The following ZSWIM5 variants were observed in gnomAD, a reference collection of about 807,000 sequenced individuals.
ZSWIM5 encodes the protein zinc finger SWIM-type containing 5.
ZSWIM5 carries 55 observed loss-of-function variants against 119.6 expected under a neutral mutation model. That is an observed-to-expected ratio of 0.46 (90% CI 0.37 to 0.58). The LOEUF is 0.58. Among genes scored for constraint, ZSWIM5 ranks in the 20% least tolerant of loss-of-function variants. The pLI is 0.00. For synonymous variants in ZSWIM5, 537 were observed against 606.9 expected (o/e 0.88, Z 1.69); for missense variants, 1,193 against 1,512.8 (o/e 0.79, Z 3.51).
At chr1:45,043,659 T>C (rs1404104729) in intron 5 of ZSWIM5, among the ~76,000 whole-genome samples, 3 of 152,144 alleles carry the variant, frequency 2.0e-5, no homozygotes, top group Admixed American at 2.0e-4. Context: ...CAGAGATCTA[T>C]GGCTTACTTC....
chr1:45,094,035 T>C (rs1299574070), intron 1 of ZSWIM5, among the ~76,000 whole-genome samples: 2 of 134,216 alleles, frequency 1.5e-5, no homozygotes, highest in Non-Finnish European at 3.1e-5. Flanking sequence ...ATTTATTTAT[T>C]TATTTATTTA....
Position 45,186,519 on chromosome 1 carries a change from T to C in ZSWIM5, c.595+19237A>G, listed in dbSNP as rs527700562. On this transcript the variant is annotated intron_variant, in intron 1 of 13. Coordinates refer to ENST00000359600, the MANE Select transcript of ZSWIM5 (RefSeq NM_020883.2). ...ACAGAATGCAGATAGCTTCTAGAAA[T>C]TGGAAAAAGACATGGAAAGAGATTC... Among the ~76,000 whole-genome samples the C allele has an allele frequency of 1.6e-3, 238 of 151,382 alleles. 1 individual carries two copies. Among genetic ancestry groups the C allele is most frequent in the Non-Finnish European group, 2.3e-3 (158 of 67,834 alleles).
chr1:45,114,924 T>G (rs1645541241), intron 1 of ZSWIM5, among the ~76,000 whole-genome samples: 1 of 152,206 alleles, frequency 6.6e-6, no homozygotes, highest in Non-Finnish European at 1.5e-5. Flanking sequence ...TAACCCTTAG[T>G]GGACACAGCA....
intron 1 of ZSWIM5, among the ~76,000 whole-genome samples, chr1:45,176,157 T>C (rs1025376045): frequency 4.0e-5 from 6 of 148,854 alleles, no homozygotes; most frequent in African/African-American, 4.9e-5. Flanking sequence ...ATATATATTA[T>C]ATATATATTC....
intron 11 of ZSWIM5, among the ~76,000 whole-genome samples, chr1:45,027,461 G>A (rs752229953): frequency 1.9e-4 from 29 of 152,090 alleles, no homozygotes; most frequent in Non-Finnish European, 3.7e-4. Flanking sequence ...GCAGTGGCAC[G>A]ATCTCAGCTC....
chr1:45,169,019 G>A (rs1418215789), intron 1 of ZSWIM5, among the ~76,000 whole-genome samples: 1 of 152,068 alleles, frequency 6.6e-6, no homozygotes, highest in Non-Finnish European at 1.5e-5. Flanking sequence ...TCTTCAGAAA[G>A]ATATACAAAA....
At chr1:45,081,896 G>A (rs1399243865) in intron 2 of ZSWIM5, among the ~76,000 whole-genome samples, 1 of 152,106 alleles carries the variant, frequency 6.6e-6, no homozygotes, top group African/African-American at 2.4e-5. Context: ...GGGGGGAAAG[G>A]TGGGGAAAAG....
chr1:45,132,629 ATACTTT>A (rs761491495), intron 1 of ZSWIM5, among the ~76,000 whole-genome samples: 60 of 151,928 alleles, frequency 3.9e-4, no homozygotes, highest in Admixed American at 1.6e-3. Context: ...TTTTTTTATT[ATACTTT>A]AAGTTCTAGG....
Position 45,060,214 on chromosome 1 carries a change from T to C in ZSWIM5, c.986A>G (p.Asp329Gly). The C allele has an allele frequency of 6.2e-7, 1 of 1,614,104 alleles. No individual in the cohort carries two copies. Among genetic ancestry groups the C allele is most frequent in the Admixed American group, 1.7e-5 (1 of 60,012 alleles). ...APDPTAGASIDDENCWHLDEE... is the reference protein window; with the variant it reads ...APDPTAGASIGDENCWHLDEE... Reference sequence around the variant, plus strand: ...ATCCAAATGCCAACAGTTCTCATCGTCAATGCTGGCCCCAGCTGTGGGGTC... The same window carrying C: ...ATCCAAATGCCAACAGTTCTCATCGCCAATGCTGGCCCCAGCTGTGGGGTC... Residue 329 changes from aspartate to glycine, a missense_variant, in exon 3 of 14, where the codon GAC becomes GGC. By Grantham distance (94) the Asp-to-Gly change is moderately conservative. Transcript: ENST00000359600.
At chr1:45,034,564 G>A in intron 10 of ZSWIM5, 95 bp from the exon 11 acceptor site, 1 of 1,411,320 alleles carries the variant, frequency 7.1e-7, no homozygotes, top group Non-Finnish European at 9.5e-7. Flanking sequence ...AGGAACTGGG[G>A]AGAGGAAAGG....
At chr1:45,189,077 G>C (rs1222188481) in intron 1 of ZSWIM5, among the ~76,000 whole-genome samples, 1 of 152,268 alleles carries the variant, frequency 6.6e-6, no homozygotes, top group Non-Finnish European at 1.5e-5. Context: ...AATTTTGAGA[G>C]GTTGAGGTGG....
intron 1 of ZSWIM5, among the ~76,000 whole-genome samples, chr1:45,162,896 G>A (rs1271978501): frequency 1.3e-5 from 2 of 152,242 alleles, no homozygotes; most frequent in African/African-American, 4.8e-5. Context: ...TCTGGGGGCA[G>A]GGCATAGTTG....
chr1:45,180,617 G>A (rs974327811), intron 1 of ZSWIM5, among the ~76,000 whole-genome samples: 1 of 152,164 alleles, frequency 6.6e-6, no homozygotes, highest in African/African-American at 2.4e-5. Context: ...CTGAGAACGG[G>A]CAGACTGCCT....
At chr1:45,046,418 C>T (rs1272625234) in intron 5 of ZSWIM5, among the ~76,000 whole-genome samples, 1 of 152,050 alleles carries the variant, frequency 6.6e-6, no homozygotes, top group Non-Finnish European at 1.5e-5. Context: ...TCATGGATTA[C>T]AGCTGGGGTG....
intron 2 of ZSWIM5, among the ~76,000 whole-genome samples, chr1:45,073,366 C>A (rs909245871): frequency 6.8e-6 from 1 of 147,482 alleles, no homozygotes; most frequent in Non-Finnish European, 1.5e-5. Flanking sequence ...TCAAGCGATT[C>A]TCCTGCCTCA....
chr1:45,114,789 G>A (rs1312259822), intron 1 of ZSWIM5, among the ~76,000 whole-genome samples: 1 of 152,186 alleles, frequency 6.6e-6, no homozygotes, highest in Non-Finnish European at 1.5e-5. Context: ...AGAGGACCCT[G>A]CGGCCTTCCG....
chr1:45,168,506 A>AAC (rs1645924682), intron 1 of ZSWIM5, among the ~76,000 whole-genome samples: 1 of 150,816 alleles, frequency 6.6e-6, no homozygotes, highest in African/African-American at 2.4e-5. Flanking sequence ...TTTTTTAAAA[A>AAC]ATACAAAAAT....
chr1:45,087,776 C>A, intron 2 of ZSWIM5, 105 bp downstream of exon 2: 2 of 788,730 alleles, frequency 2.5e-6, no homozygotes, highest in Non-Finnish European at 4.1e-6. Flanking sequence ...AATATCCCAA[C>A]CTCTTAACAT....
intron 5 of ZSWIM5, among the ~76,000 whole-genome samples, chr1:45,049,787 C>G (rs185080742): frequency 9.9e-5 from 15 of 152,220 alleles, no homozygotes; most frequent in South Asian, 2.1e-4. Flanking sequence ...GCACTCCAGC[C>G]TGGGCAACAG....
Sources: allele counts gnomAD v4.1 joint callset (sites outside exome capture counted in the v4.1 genomes callset), GRCh38; gene constraint gnomAD v4.1.1; transcripts MANE v1.5; gene names NCBI Gene and HGNC (gene_info 2026-07-23, HGNC 2026-07-21).